The following SLC8B1 variants were observed in gnomAD, a reference collection of about 807,000 sequenced individuals.
The protein encoded by SLC8B1 is mitochondrial sodium/calcium exchanger protein.
SLC8B1 carries 52 observed loss-of-function variants against 63.4 expected under a neutral mutation model. That is an observed-to-expected ratio of 0.82 (90% CI 0.66 to 1.03). The LOEUF is 1.03. SLC8B1 is among the 50% of genes least tolerant of loss of function. The pLI, the probability that SLC8B1 is intolerant of heterozygous loss-of-function variation, is 0.00. For missense variants in SLC8B1, 657 were observed against 741.7 expected (o/e 0.89, Z 1.33); for synonymous variants, 336 against 323.9 (o/e 1.04, Z -0.40).
Position 113,316,961 on chromosome 12 carries a change from A to C in SLC8B1, c.843T>G (p.Asn281Lys), listed in dbSNP as rs894726660. The change falls in exon 9 of 16, where the codon AAT becomes AAG. Residue 281 changes from asparagine (N) to lysine (K), a missense_variant. By Grantham distance (94) the Asn-to-Lys change is moderately conservative (BLOSUM62 0). Transcript: ENST00000680972. ...SDSEEDRVSS[N>K]TNSYDYGDEY... ...ACTCACCGTAGTCATAGCTGTTGGTATTAGAAGATACCCGGTCCTCCTCGG... is the reference window on the plus strand; with the variant it reads ...ACTCACCGTAGTCATAGCTGTTGGTCTTAGAAGATACCCGGTCCTCCTCGG... The C allele has an allele frequency of 1.2e-6, 2 of 1,613,658 alleles. No homozygotes were observed. Among genetic ancestry groups the C allele is most frequent in the Non-Finnish European group, 1.7e-6 (2 of 1,179,882 alleles).
At chr12:113,319,103 G>A (rs1261305324) in intron 7 of SLC8B1, 32 bp from the exon 8 acceptor site, 1 of 1,541,150 alleles carries the variant, frequency 6.5e-7, no homozygotes, top group East Asian at 2.2e-5. Context: ...TCACCAAGTG[G>A]TGTCCTGGTG....
intron 15 of SLC8B1, chr12:113,302,526 G>A (rs1358664921): frequency 2.4e-6 from 1 of 409,812 alleles, no homozygotes; most frequent in Non-Finnish European, 5.0e-6. Context: ...CATGGTTGCT[G>A]ACATATTTTC....
Position 113,315,340 on chromosome 12 carries a change from C to T in SLC8B1, c.1130G>A (p.Gly377Glu). 1 of 1,538,362 alleles carries T rather than the reference C, an allele frequency of 6.5e-7. No individual in the cohort carries two copies. The highest frequency in any genetic ancestry group is 1.2e-5 in the South Asian group (1 of 82,202). Reference sequence around the variant, plus strand: ...CCGGGGTAGGGGATACTCACAGGTCCCCGACTGCAGGGTCAGGACCACAAC... The same window carrying T: ...CCGGGGTAGGGGATACTCACAGGTCTCCGACTGCAGGGTCAGGACCACAAC... Reference protein sequence around the residue: ...PLVVVLTLQSGTYGVYEIGGL... With the variant: ...PLVVVLTLQSETYGVYEIGGL... The change falls in exon 11 of 16, where the codon GGG becomes GAG. Residue 377 changes from glycine to glutamate, a missense_variant. By Grantham distance (98) the Gly-to-Glu change is moderately conservative. Transcript: ENST00000680972.
In SLC8B1 at chr12:113,307,675, C is replaced by G. The variant is rs760461131; in HGVS notation, c.1411+16G>C. ...CCGCACTCACCCCCACTCAACCCCA[C>G]CCAGCCCTGAGTCACCTCCAATGCT... On this transcript the variant is annotated intron_variant, in intron 13 of 15. Transcript: ENST00000680972. 21 of 1,610,248 alleles carry G rather than the reference C, an allele frequency of 1.3e-5. No homozygotes were observed. In the Admixed American group the frequency reaches 3.4e-4, roughly 26 times the overall value.
intron 13 of SLC8B1, among the ~76,000 whole-genome samples, chr12:113,307,270 C>T (rs1956689202): frequency 6.6e-6 from 1 of 152,062 alleles, no homozygotes; most frequent in Admixed American, 6.6e-5. Context: ...TCAGCTCCCT[C>T]ATCCTCTTGT....
intron 2 of SLC8B1, among the ~76,000 whole-genome samples, chr12:113,330,300 G>A (rs1012816550): frequency 6.6e-6 from 1 of 152,184 alleles, no homozygotes; most frequent in East Asian, 1.9e-4. Flanking sequence ...GGGCTGGGGG[G>A]GCCTTTCCCA....
intron 15 of SLC8B1, among the ~76,000 whole-genome samples, chr12:113,303,053 GAC>G (rs138136092): frequency 0.012 from 1,747 of 142,126 alleles, 35 homozygotes; most frequent in African/African-American, 0.044. Context: ...AAAGGTGGTA[GAC>G]ACACACACAC....
chr12:113,306,458 A>G (rs1956676733), intron 14 of SLC8B1, 37 bp downstream of exon 14: 1 of 1,542,966 alleles, frequency 6.5e-7, no homozygotes, highest in Non-Finnish European at 8.8e-7. Flanking sequence ...CGGCTGTGAC[A>G]CCAGTGCTAA....
In SLC8B1 at chr12:113,305,243, C is replaced by T. The variant is rs1297038406; in HGVS notation, c.1493-858G>A. ...TGGGAGGTCAGGCGAGGCTGCAGCCCGAAAGCCAGGAGTAGGCCTCAGTGG... is the reference window on the plus strand; with the variant it reads ...TGGGAGGTCAGGCGAGGCTGCAGCCTGAAAGCCAGGAGTAGGCCTCAGTGG... On this transcript the variant is annotated intron_variant, in intron 14 of 15. Coordinates refer to ENST00000680972, the MANE Select transcript of SLC8B1 (RefSeq NM_001358345.2). The surrounding 1 kb of genome is among the most constrained non-coding windows in gnomAD (Gnocchi z 4.3). 1.3e-5 allele frequency among the ~76,000 whole-genome samples: 2 copies of T among 152,208 alleles called. No homozygotes were observed. Among genetic ancestry groups the T allele is most frequent in the African/African-American group, 2.4e-5 (1 of 41,456 alleles).
intron 2 of SLC8B1, among the ~76,000 whole-genome samples, chr12:113,324,070 G>A (rs1347732286): frequency 6.6e-6 from 1 of 152,090 alleles, no homozygotes; most frequent in Non-Finnish European, 1.5e-5. Flanking sequence ...CCAACACTTT[G>A]GGAGGCTGAG....
rs780991690 is a variant in SLC8B1 at position 113,321,267 on chromosome 12, A to AC, written c.237dup (p.Tyr80ValfsTer74). On this transcript the variant is annotated frameshift_variant, in exon 3 of 16. Coordinates refer to ENST00000680972, the MANE Select transcript of SLC8B1 (RefSeq NM_001358345.2). LOFTEE classifies it high-confidence loss of function. ...AAGATGCCTTCCAGGTAGTCCAGGTACCCCCCATCACTGTGGCAGTCAGGG... is the reference window on the plus strand; with the variant it reads ...AAGATGCCTTCCAGGTAGTCCAGGTACCCCCCCATCACTGTGGCAGTCAGGG... 1 of 1,613,976 alleles carries AC rather than the reference A, an allele frequency of 6.2e-7. No individual in the cohort carries two copies. Among genetic ancestry groups the AC allele is most frequent in the Non-Finnish European group, 8.5e-7 (1 of 1,179,992 alleles).
chr12:113,323,983 T>C (rs970071113), intron 2 of SLC8B1, among the ~76,000 whole-genome samples: 3 of 152,030 alleles, frequency 2.0e-5, no homozygotes, highest in African/African-American at 7.2e-5. Context: ...CTTTCTACAG[T>C]GTCCTGTCCT....
At chr12:113,315,283 G>T in intron 11 of SLC8B1, 52 bp downstream of exon 11, 5 of 1,456,666 alleles carry the variant, frequency 3.4e-6, no homozygotes, top group Non-Finnish European at 3.7e-6. Context: ...GAAAACTCCA[G>T]AACGTGGGAA....
intron 11 of SLC8B1, among the ~76,000 whole-genome samples, chr12:113,312,946 C>T (rs1272258219): frequency 6.6e-6 from 1 of 151,848 alleles, no homozygotes; most frequent in Non-Finnish European, 1.5e-5. Context: ...CACTCTGTCG[C>T]CCAGGCTGGA....
At position 113,319,088 on chromosome 12, in the gene SLC8B1, C is replaced by T. The variant is rs767276671; in HGVS notation, c.695-17G>A. The T allele has an allele frequency of 1.6e-5, 26 of 1,595,016 alleles. No homozygotes were observed. Among genetic ancestry groups the T allele is most frequent in the East Asian group, 4.5e-5 (2 of 44,744 alleles). On this transcript the variant is annotated splice_polypyrimidine_tract_variant and intron_variant, in intron 7 of 15. Coordinates refer to ENST00000680972, the MANE Select transcript of SLC8B1 (RefSeq NM_001358345.2). ...CCAGGTAACCTGCAGACGGGGTGCA[C>T]GCCGTCACCAAGTGGTGTCCTGGTG...
intron 11 of SLC8B1, among the ~76,000 whole-genome samples, chr12:113,313,484 A>C (rs2079501514): frequency 6.6e-6 from 1 of 152,136 alleles, no homozygotes; most frequent in African/African-American, 2.4e-5. Context: ...TCATGCTTAT[A>C]ATCTCAGCAC....
rs750328928 is a variant in SLC8B1, at chr12:113,304,310, G to A, written c.1557+11C>T. 6.2e-7 allele frequency: 1 copy of A among 1,613,394 alleles called. No individual in the cohort carries two copies. The highest frequency in any genetic ancestry group is 2.2e-5 in the East Asian group (1 of 44,854). ...GTTATATACACTTGTAAACTTACAA[G>A]GAATACTCACCTTCACTTCTGTGTG... is the stretch of plus-strand genomic sequence containing the variant. On this transcript the variant is annotated intron_variant, in intron 15 of 15. Transcript: ENST00000680972.
At position 113,321,123 on chromosome 12, in the gene SLC8B1, G is replaced by A. The variant is rs1956921233; in HGVS notation, c.310-15C>T. The A allele has an allele frequency of 6.2e-7, 1 of 1,613,902 alleles. No homozygotes were observed. Among genetic ancestry groups the A allele is most frequent in the South Asian group, 1.1e-5 (1 of 91,074 alleles). ...AGCCAGGAAACCTGGGTGGGGAGCG[G>A]GCGAGGAAGGGAGAGTCAAGTCCAG... is the stretch of plus-strand genomic sequence containing the variant. On this transcript the variant is annotated splice_polypyrimidine_tract_variant and intron_variant, in intron 3 of 15. Transcript: ENST00000680972.
chr12:113,300,165 A>T (rs1216537532), intron 15 of SLC8B1, among the ~76,000 whole-genome samples, 191 bp from the exon 16 acceptor site: 2 of 152,076 alleles, frequency 1.3e-5, no homozygotes, highest in Non-Finnish European at 2.9e-5. Context: ...CACCCTCAAC[A>T]ACAATGCACC....
Sources: gnomAD v4.1 joint callset for allele counts (sites outside exome capture counted in the v4.1 genomes callset) on GRCh38, gnomAD v4.1.1 for gene constraint, Gnocchi (gnomAD v3.1) non-coding constraint, MANE v1.5 for transcripts, NCBI Gene and HGNC (gene_info 2026-07-23, HGNC 2026-07-21) for gene names.